The following GRID2 variants were observed in gnomAD, a reference collection of about 807,000 sequenced individuals.
The protein encoded by GRID2 is glutamate receptor ionotropic, delta-2.
GRID2 carries 33 observed loss-of-function variants against 114.8 expected under a neutral mutation model. The ratio of observed to expected loss-of-function variants is 0.29; its 90% CI spans 0.22 to 0.38. The LOEUF (loss-of-function observed/expected upper bound fraction) is 0.38, where lower values mean the gene tolerates loss of function less well. GRID2 is among the 10% of genes least tolerant of loss of function. GRID2 has a pLI of 1.00. For missense variants in GRID2, 1,184 were observed against 1,257.7 expected, an observed-to-expected ratio of 0.94 and a Z score of 0.89; for synonymous variants, 505 against 449.9, an observed-to-expected ratio of 1.12 and a Z score of -1.55.
chr4:92,992,287 T>C (rs1049406735), intron 2 of GRID2, among the ~76,000 whole-genome samples: 1 of 152,144 alleles, frequency 6.6e-6, no homozygotes, highest in Non-Finnish European at 1.5e-5. Context: ...TATAGTGATG[T>C]CTCTGAGAAT....
At chr4:92,710,702 A>G (rs1579892182) in intron 2 of GRID2, among the ~76,000 whole-genome samples, 1 of 152,152 alleles carries the variant, frequency 6.6e-6, no homozygotes, top group African/African-American at 2.4e-5. Flanking sequence ...CTAGACTCAC[A>G]TTCCAAGGTT....
At position 93,311,939 on chromosome 4, in the gene GRID2, A is replaced by G. The variant is rs186608047; in HGVS notation, c.1245+73449A>G. The stretch of plus-strand genomic sequence containing the variant: ...ATGGATAAAAAATGAAGGTAGTTCA[A>G]TAATTTGGGATGAGAAAGAGAAGAA... On this transcript the variant is annotated intron_variant, in intron 8 of 15. Coordinates refer to ENST00000282020, the MANE Select transcript of GRID2 (RefSeq NM_001510.4). Among the ~76,000 whole-genome samples, 231 of 152,338 alleles carry G rather than the reference A, an allele frequency of 1.5e-3. 4 individuals are homozygous for G. The highest frequency in any genetic ancestry group is 3.7e-4 in the Non-Finnish European group (25 of 68,038).
intron 14 of GRID2, among the ~76,000 whole-genome samples, chr4:93,751,849 T>A (rs1045579963): frequency 6.6e-6 from 1 of 152,172 alleles, no homozygotes; most frequent in Admixed American, 6.5e-5. Context: ...CATGCTGTCA[T>A]TCCTTGCCGC....
intron 10 of GRID2, among the ~76,000 whole-genome samples, chr4:93,454,540 A>G (rs1723006516): frequency 6.6e-6 from 1 of 152,050 alleles, no homozygotes; most frequent in African/African-American, 2.4e-5. Context: ...CCTAGCAACA[A>G]AGATATATGA....
At chr4:93,544,423 C>G (rs746775004) in intron 13 of GRID2, among the ~76,000 whole-genome samples, 1 of 152,030 alleles carries the variant, frequency 6.6e-6, no homozygotes, top group South Asian at 2.1e-4. Context: ...AACAGATATG[C>G]TCTGCCAGCC....
intron 6 of GRID2, among the ~76,000 whole-genome samples, chr4:93,219,952 C>T (rs1744683902): frequency 6.6e-6 from 1 of 152,058 alleles, no homozygotes. Context: ...TTGAATTAGG[C>T]TTGCCAAATA....
chr4:93,550,859 G>A (rs1440716499), intron 13 of GRID2, among the ~76,000 whole-genome samples: 1 of 152,104 alleles, frequency 6.6e-6, no homozygotes, highest in Non-Finnish European at 1.5e-5. Context: ...ATTTTTTAGT[G>A]TAGTAATTTT....
intron 2 of GRID2, among the ~76,000 whole-genome samples, chr4:92,989,632 T>C (rs770569737): frequency 6.6e-6 from 1 of 152,212 alleles, no homozygotes; most frequent in African/African-American, 2.4e-5. Context: ...AAATTTTTAA[T>C]GTCATGACAG....
At position 92,304,179 on chromosome 4, in the gene GRID2, G is replaced by C. The variant is rs1248268398; in HGVS notation, c.-478G>C. The C allele has an allele frequency of 1.1e-5, 2 of 175,698 alleles. No individual in the cohort carries two copies. Among genetic ancestry groups the C allele is most frequent in the Non-Finnish European group, 2.4e-5 (2 of 83,594 alleles). The allele number at this position is 175,698 out of a possible 1,614,324, so 10.9% of individuals were successfully genotyped here. A position where few individuals can be genotyped will look rare whatever the true frequency, so the allele number is the denominator to read the frequency against. The stretch of plus-strand genomic sequence containing the variant: ...ACTTAGATTCTGGCAGCGAAGACCA[G>C]TGATTCTCTGCGGGCTGTAGGGGCG... On this transcript the variant is annotated 5_prime_UTR_variant, in exon 1 of 16. Transcript: ENST00000282020.
At chr4:92,633,125 A>G (rs1174833559) in intron 2 of GRID2, among the ~76,000 whole-genome samples, 2 of 152,166 alleles carry the variant, frequency 1.3e-5, no homozygotes, top group Admixed American at 1.3e-4. Flanking sequence ...ACCCAGGGCC[A>G]TAAGCTCTTT....
rs190288568 is a variant in GRID2 at position 92,807,047 on chromosome 4, T to C, written c.244+216761T>C. ...CTGGAAAATCAATCATCTTTTATTC[T>C]CTTGCAATTGTAAAGGCTCAGTTTT... On this transcript the variant is annotated intron_variant, in intron 2 of 15. Transcript: ENST00000282020. 2.0e-5 allele frequency among the ~76,000 whole-genome samples: 3 copies of C among 152,140 alleles called. No individual in the cohort carries two copies. The East Asian group carries it at 5.8e-4, about 30-fold the overall frequency.
chr4:92,670,022 G>T (rs2149275474), intron 2 of GRID2, among the ~76,000 whole-genome samples: 1 of 152,074 alleles, frequency 6.6e-6, no homozygotes, highest in Admixed American at 6.6e-5. Flanking sequence ...TGAGGAGGCT[G>T]GTTGCACCAA....
intron 13 of GRID2, among the ~76,000 whole-genome samples, chr4:93,573,927 TA>T (rs1736165223): frequency 1.3e-5 from 2 of 152,188 alleles, no homozygotes; most frequent in South Asian, 2.1e-4. Flanking sequence ...AGACTTAGTT[TA>T]TTTGTAAAAC....
intron 2 of GRID2, among the ~76,000 whole-genome samples, chr4:92,601,416 C>T (rs1394158540): frequency 2.6e-5 from 4 of 152,120 alleles, no homozygotes; most frequent in Non-Finnish European, 5.9e-5. Flanking sequence ...ATTGAACAAC[C>T]TGCTCCTGAA....
chr4:93,697,641 G>C (rs1727133826), intron 14 of GRID2, among the ~76,000 whole-genome samples: 1 of 151,894 alleles, frequency 6.6e-6, no homozygotes, highest in South Asian at 2.1e-4. Context: ...TGAAAGACAG[G>C]GGAGGGGGAA....
chr4:93,614,145 A>C (rs990406374), intron 13 of GRID2, among the ~76,000 whole-genome samples: 1 of 152,190 alleles, frequency 6.6e-6, no homozygotes, highest in African/African-American at 2.4e-5. Context: ...TTCCCAGGTG[A>C]GGCAATGCCT....
chr4:93,496,604 G>A (rs1425286989), intron 12 of GRID2, among the ~76,000 whole-genome samples: 1 of 151,744 alleles, frequency 6.6e-6, no homozygotes, highest in Non-Finnish European at 1.5e-5. Flanking sequence ...CGTTTCAAGA[G>A]TGTAATATAG....
At chr4:93,340,730 C>T (rs978069284) in intron 8 of GRID2, among the ~76,000 whole-genome samples, 15 of 152,022 alleles carry the variant, frequency 9.9e-5, no homozygotes, top group African/African-American at 3.1e-4. Context: ...CCTAATGTCC[C>T]GAAGATGAAA....
At chr4:93,589,714 G>C (rs1368869977) in intron 13 of GRID2, among the ~76,000 whole-genome samples, 2 of 152,098 alleles carry the variant, frequency 1.3e-5, no homozygotes, top group African/African-American at 4.8e-5. Flanking sequence ...TCCAGCACCT[G>C]TCGTTTCCTG....
Sources: gnomAD v4.1 joint callset for allele counts (sites outside exome capture counted in the v4.1 genomes callset) on GRCh38, gnomAD v4.1.1 for gene constraint, MANE v1.5 for transcripts, NCBI Gene and HGNC (gene_info 2026-07-23, HGNC 2026-07-21) for gene names.